EXTL3: variants seen among roughly 807,000 people sequenced by gnomAD.
EXTL3 encodes exostosin-like 3.
Under a neutral mutation model 69.3 loss-of-function variants are expected in EXTL3, and 27 were observed. The ratio of observed to expected loss-of-function variants is 0.39; its 90% CI spans 0.29 to 0.54. EXTL3 has a LOEUF of 0.54. EXTL3 is among the 20% of genes least tolerant of loss of function. The pLI, the probability that EXTL3 is intolerant of heterozygous loss-of-function variation, is 0.69. For missense variants in EXTL3, 1,003 were observed against 1,231.8 expected (o/e 0.81, Z 2.78); for synonymous variants, 511 against 499.4 (o/e 1.02, Z -0.31).
intron 1 of EXTL3, among the ~76,000 whole-genome samples, chr8:28,665,063 CTTTTTTTTTTTT>C (rs1222832851): frequency 6.4e-5 from 4 of 62,400 alleles, no homozygotes; most frequent in Non-Finnish European, 1.3e-4. Context: ...TTTTCCTTTA[CTTTTTTTTTTTT>C]TTTTTTTTTT....
At position 28,753,776 on chromosome 8, in the gene EXTL3, C is replaced by T. The variant is rs1426361215; in HGVS notation, c.*2910C>T. ...CCTGCTTGATTGCTTGATTCCAGGTCGCCACCTGTGTATGCCAGCTGGGCC... is the reference window on the plus strand; with the variant it reads ...CCTGCTTGATTGCTTGATTCCAGGTTGCCACCTGTGTATGCCAGCTGGGCC... On this transcript the variant is annotated 3_prime_UTR_variant, in exon 7 of 7. Coordinates refer to ENST00000220562, the MANE Select transcript of EXTL3 (RefSeq NM_001440.4). 1.3e-5 allele frequency: 2 copies of T among 152,552 alleles called. No individual in the cohort carries two copies. Among genetic ancestry groups the T allele is most frequent in the African/African-American group, 4.8e-5 (2 of 41,446 alleles). 9.4% of individuals were successfully genotyped at this position (152,552 alleles called of 1,614,324 possible). A position where few individuals can be genotyped will look rare whatever the true frequency, so the allele number is the denominator to read the frequency against.
At chr8:28,670,225 G>A (rs1007329574) in intron 1 of EXTL3, among the ~76,000 whole-genome samples, 39 of 30,414 alleles carry the variant, frequency 1.3e-3, no homozygotes, top group African/African-American at 4.5e-3. Context: ...AAAAAGGTTG[G>A]GGGGAGATGG....
chr8:28,618,759 C>T (rs566883908), upstream of EXTL3, among the ~76,000 whole-genome samples: 7 of 152,056 alleles, frequency 4.6e-5, no homozygotes, highest in East Asian at 1.2e-3. Flanking sequence ...CACTCCCCAG[C>T]GGCCCCTAGT....
intron 1 of EXTL3, among the ~76,000 whole-genome samples, chr8:28,651,761 C>G (rs1471264918): frequency 6.6e-6 from 1 of 152,194 alleles, no homozygotes; most frequent in African/African-American, 2.4e-5. Context: ...GCATTCATTA[C>G]ATTCATAATC....
Position 28,663,528 on chromosome 8 carries a change from C to T in EXTL3, c.-53+40718C>T, listed in dbSNP as rs549476055. On this transcript the variant is annotated intron_variant, in intron 1 of 6. Coordinates refer to the EXTL3 transcript ENST00000523149. ...GTACAGTGGCGTGATCTTGGCTCACCGCAACCTCCACCTCCTGGGTTCAAG... is the reference window on the plus strand; with the variant it reads ...GTACAGTGGCGTGATCTTGGCTCACTGCAACCTCCACCTCCTGGGTTCAAG... Among the ~76,000 whole-genome samples the T allele has an allele frequency of 3.3e-5, 5 of 152,014 alleles. No homozygotes were observed. In the South Asian group the frequency reaches 8.3e-4, roughly 25 times the overall value.
rs1006941498 is a variant in EXTL3, at chr8:28,623,683, A to G, written c.-53+873A>G. ...TGTAACATAATTCATGTTTTTAAAG[A>G]TATGTTTTTATTTAAAACCTTCCCC... On this transcript the variant is annotated intron_variant, in intron 1 of 6. Transcript: ENST00000523149. This position sits in a 1 kb window ranked among gnomAD's most constrained non-coding sequence, Gnocchi z 4.2. Among the ~76,000 whole-genome samples the G allele has an allele frequency of 6.6e-6, 1 of 152,136 alleles. No homozygotes were observed. Among genetic ancestry groups the G allele is most frequent in the African/African-American group, 2.4e-5 (1 of 41,404 alleles).
intron 1 of EXTL3, among the ~76,000 whole-genome samples, chr8:28,639,663 G>A (rs1806712910): frequency 6.6e-6 from 1 of 152,168 alleles, no homozygotes; most frequent in Non-Finnish European, 1.5e-5. Context: ...CCTCTCCTGA[G>A]TCCCTCCTGA....
chr8:28,620,015 C>A (rs954750792), upstream of EXTL3, among the ~76,000 whole-genome samples: 8 of 151,616 alleles, frequency 5.3e-5, no homozygotes, highest in Non-Finnish European at 1.0e-4. Context: ...GGACTACAGG[C>A]GCCTGCCACC....
chr8:28,717,507 T>C lies in EXTL3; in HGVS notation c.1448T>C (p.Leu483Pro). 6.2e-7 allele frequency: 1 copy of C among 1,614,242 alleles called. No individual in the cohort carries two copies. Among genetic ancestry groups the C allele is most frequent in the Non-Finnish European group, 8.5e-7 (1 of 1,180,036 alleles). The change falls in exon 3 of 7, where the codon CTG (leucine) becomes CCG (proline). Residue 483 changes from leucine to proline, a missense_variant. Leu to Pro is a moderately conservative substitution (Grantham distance 98). This residue lies in a region of EXTL3 where 742 missense variants were observed against 815.4 expected (regional missense o/e 0.91). Transcript: ENST00000220562. The surrounding 1 kb of genome is among the most constrained non-coding windows in gnomAD (Gnocchi z 8.3). Reference sequence around the variant, plus strand: ...ATGCTGCAGTGGAACGAGGCGGCCCTGGTGGTGCCAAAGCCTCGTGTTACC... The same window carrying C: ...ATGCTGCAGTGGAACGAGGCGGCCCCGGTGGTGCCAAAGCCTCGTGTTACC... The part of the protein sequence containing the change: ...QDMLQWNEAA[L>P]VVPKPRVTEV...
At chr8:28,708,287 C>G (rs1800963412) in intron 1 of EXTL3, among the ~76,000 whole-genome samples, 1 of 152,086 alleles carries the variant, frequency 6.6e-6, no homozygotes, top group South Asian at 2.1e-4. Context: ...TTCATCCAGG[C>G]TAGGTTACAC....
chr8:28,676,257 G>A (rs1462237544), intron 1 of EXTL3, among the ~76,000 whole-genome samples: 1 of 152,116 alleles, frequency 6.6e-6, no homozygotes, highest in Admixed American at 6.5e-5. Context: ...ATTTCATCAA[G>A]AATGTGAGAA....
chr8:28,661,156 G>A (rs966581071), intron 1 of EXTL3, among the ~76,000 whole-genome samples: 10 of 151,338 alleles, frequency 6.6e-5, no homozygotes, highest in African/African-American at 1.7e-4. Flanking sequence ...TTCGTGATCC[G>A]CCCGCCTCAG....
At chr8:28,687,570 T>C (rs1168511553) in intron 1 of EXTL3, among the ~76,000 whole-genome samples, 1 of 152,240 alleles carries the variant, frequency 6.6e-6, no homozygotes, top group Non-Finnish European at 1.5e-5. Context: ...TTTGGATGAC[T>C]GTGAAAACCT....
chr8:28,704,933 C>T (rs578246578), intron 1 of EXTL3, among the ~76,000 whole-genome samples: 55 of 152,312 alleles, frequency 3.6e-4, no homozygotes, highest in African/African-American at 1.3e-3. Context: ...GGGATATAGG[C>T]TTGAGCCGCC....
Position 28,752,050 on chromosome 8 carries a change from T to C in EXTL3, c.*1184T>C, listed in dbSNP as rs1802019216. 6.6e-6 allele frequency: 1 copy of C among 152,388 alleles called. No homozygotes were observed. The highest frequency in any genetic ancestry group is 2.1e-4 in the South Asian group (1 of 4,834). The allele number at this position is 152,388 out of a possible 1,614,324, so 9.4% of individuals were successfully genotyped here. A position where few individuals can be genotyped will look rare whatever the true frequency, so the allele number is the denominator to read the frequency against. On this transcript the variant is annotated 3_prime_UTR_variant, in exon 7 of 7. Coordinates refer to ENST00000220562, the MANE Select transcript of EXTL3 (RefSeq NM_001440.4). ...CCCATCCTGTGTTATCTGTGGTTTT[T>C]GGACCCCTAATGTCAGCTTGGCTGT...
At chr8:28,616,501 C>A (rs998557009) in intron 2 of EXTL3, among the ~76,000 whole-genome samples, 2 of 152,160 alleles carry the variant, frequency 1.3e-5, no homozygotes, top group African/African-American at 2.4e-5. Flanking sequence ...GTGGCGGGCG[C>A]CTGCAGTCCC....
At chr8:28,651,040 A>C (rs1462569244) in intron 1 of EXTL3, among the ~76,000 whole-genome samples, 2 of 152,034 alleles carry the variant, frequency 1.3e-5, no homozygotes, top group African/African-American at 4.8e-5. Flanking sequence ...TGAATGTTTC[A>C]GATCTTTGAT....
intron 1 of EXTL3, among the ~76,000 whole-genome samples, chr8:28,707,736 C>T (rs575742170): frequency 6.6e-5 from 10 of 152,204 alleles, no homozygotes; most frequent in East Asian, 5.8e-4. Context: ...AGCACGGTCC[C>T]GGTTTGTTAT....
intron 3 of EXTL3, among the ~76,000 whole-genome samples, chr8:28,722,382 TAGAG>T (rs1436206193): frequency 6.6e-6 from 1 of 151,970 alleles, no homozygotes; most frequent in African/African-American, 2.4e-5. Context: ...GGAGCGGTGG[TAGAG>T]AGAACCAGTT....
Sources: allele counts gnomAD v4.1 joint callset (sites outside exome capture counted in the v4.1 genomes callset), GRCh38; gene constraint gnomAD v4.1.1; regional missense constraint gnomAD v4.1.1; non-coding constraint Gnocchi (gnomAD v3.1); transcripts MANE v1.5; gene names NCBI Gene and HGNC (gene_info 2026-07-23, HGNC 2026-07-21).